Variants in LRRC7 observed in about 807,000 individuals in gnomAD.
LRRC7 encodes leucine rich repeat containing 7.
In LRRC7, 23 loss-of-function variants were observed where a neutral mutation model predicts 175.7. The ratio of observed to expected loss-of-function variants is 0.13; its 90% CI spans 0.09 to 0.19. LRRC7 has a LOEUF of 0.19. Among genes scored for constraint, LRRC7 ranks in the 10% least tolerant of loss-of-function variants. LRRC7 has a pLI of 1.00. For missense variants in LRRC7, 1,354 were observed against 1,904.7 expected (o/e 0.71, Z 5.38); for synonymous variants, 685 against 680.9 (o/e 1.01, Z -0.09).
At chr1:69,947,103 G>A (rs1649406011) in intron 8 of LRRC7, among the ~76,000 whole-genome samples, 1 of 147,128 alleles carries the variant, frequency 6.8e-6, no homozygotes, top group African/African-American at 2.6e-5. Context: ...GTGAGACTGT[G>A]TCTCAAAATA....
intron 8 of LRRC7, among the ~76,000 whole-genome samples, chr1:69,973,551 T>C (rs886581597): frequency 1.3e-5 from 2 of 152,238 alleles, no homozygotes; most frequent in African/African-American, 4.8e-5. Context: ...ATATATTTTC[T>C]TTGTGTTAAT....
At chr1:69,625,735 G>A (rs1187011844) in intron 1 of LRRC7, among the ~76,000 whole-genome samples, 3 of 151,932 alleles carry the variant, frequency 2.0e-5, no homozygotes, top group African/African-American at 7.2e-5. Flanking sequence ...GTTTTAATTT[G>A]TATTTTGAGT....
chr1:69,587,189 G>A (rs576147990), intron 1 of LRRC7, among the ~76,000 whole-genome samples: 69 of 151,998 alleles, frequency 4.5e-4, no homozygotes, highest in African/African-American at 1.4e-3. Context: ...TTACTTACTC[G>A]TCCAAACTTA....
At chr1:69,708,808 G>A (rs189996645) in intron 2 of LRRC7, among the ~76,000 whole-genome samples, 1 of 152,186 alleles carries the variant, frequency 6.6e-6, no homozygotes, top group East Asian at 1.9e-4. Context: ...TTCTTTTATA[G>A]CCTTTATGTG....
At chr1:69,681,992 G>T (rs934183054) in intron 2 of LRRC7, among the ~76,000 whole-genome samples, 29 of 152,286 alleles carry the variant, frequency 1.9e-4, no homozygotes, top group African/African-American at 5.5e-4. Context: ...CTAGGTTGAA[G>T]TCTTATCAAA....
rs1027698537 is a variant in LRRC7, at chr1:69,814,255, A to G, written c.422-11493A>G. Among the ~76,000 whole-genome samples, 8 of 152,270 alleles carry G rather than the reference A, an allele frequency of 5.3e-5. No individual in the cohort carries two copies. In the South Asian group the frequency reaches 1.2e-3, roughly 24 times the overall value. ...TCTCATCTGTAAACACCCATTAGAT[A>G]TTTAAATAAAACTTCTACTCTTGTA... On this transcript the variant is annotated intron_variant, in intron 4 of 26. Coordinates refer to ENST00000651989, the MANE Select transcript of LRRC7 (RefSeq NM_001370785.2).
intron 2 of LRRC7, among the ~76,000 whole-genome samples, chr1:69,683,657 T>C (rs1006503280): frequency 7.6e-5 from 11 of 144,122 alleles, no homozygotes; most frequent in Non-Finnish European, 1.4e-4. Context: ...ATGAAGAAAC[T>C]AGAAGAAAAA....
chr1:69,589,463 A>G (rs1569748022), intron 1 of LRRC7, among the ~76,000 whole-genome samples: 1 of 152,058 alleles, frequency 6.6e-6, no homozygotes, highest in Non-Finnish European at 1.5e-5. Context: ...GAAGAATCCA[A>G]TCGGGAGTGA....
At chr1:69,718,695 A>G (rs1666020943) in intron 2 of LRRC7, among the ~76,000 whole-genome samples, 1 of 151,836 alleles carries the variant, frequency 6.6e-6, no homozygotes, top group Non-Finnish European at 1.5e-5. Context: ...ATTCTGTTCG[A>G]AGAAAGAGGA....
At chr1:69,957,402 C>T (rs1173551263) in intron 8 of LRRC7, among the ~76,000 whole-genome samples, 1 of 151,794 alleles carries the variant, frequency 6.6e-6, no homozygotes, top group African/African-American at 2.4e-5. Flanking sequence ...TCTACCTTAA[C>T]GTTTACTGAC....
intron 1 of LRRC7, among the ~76,000 whole-genome samples, chr1:69,641,738 C>T (rs904197629): frequency 1.3e-5 from 2 of 151,446 alleles, no homozygotes; most frequent in Non-Finnish European, 1.5e-5. Flanking sequence ...TTTTTTAGAA[C>T]TTAAACAAAT....
At position 69,648,274 on chromosome 1, in the gene LRRC7, T is replaced by C. The variant is rs150712169; in HGVS notation, c.3-30107T>C. Among the ~76,000 whole-genome samples the C allele has an allele frequency of 1.3e-3, 198 of 152,240 alleles. 1 individual carries two copies. The highest frequency in any genetic ancestry group is 3.2e-4 in the Non-Finnish European group (22 of 68,010). The stretch of plus-strand genomic sequence containing the variant: ...TCATAAATTAACTATTATTAATTTG[T>C]ATGAAAATAATACTCGAGGTGTTAT... On this transcript the variant is annotated intron_variant, in intron 1 of 26. Transcript: ENST00000651989.
chr1:69,866,046 G>C (rs1684919064), intron 7 of LRRC7, among the ~76,000 whole-genome samples: 3 of 152,138 alleles, frequency 2.0e-5, no homozygotes. Flanking sequence ...ATTCTCAAAT[G>C]GCAAAAGAAT....
chr1:70,096,102 C>T (rs945416679), intron 25 of LRRC7, among the ~76,000 whole-genome samples: 5 of 151,970 alleles, frequency 3.3e-5, no homozygotes, highest in African/African-American at 9.7e-5. Flanking sequence ...CTCCGCCTCC[C>T]GAGTAGCTGG....
chr1:69,650,858 T>C (rs7515624), intron 1 of LRRC7, among the ~76,000 whole-genome samples: 1 of 152,274 alleles, frequency 6.6e-6, no homozygotes, highest in African/African-American at 2.4e-5. Context: ...GGTTTGGCAC[T>C]GTCGATAGCT....
intron 23 of LRRC7, among the ~76,000 whole-genome samples, chr1:70,061,902 T>C (rs1490594623): frequency 6.6e-6 from 1 of 152,136 alleles, no homozygotes; most frequent in Non-Finnish European, 1.5e-5. Context: ...AAAGGAACTT[T>C]TAAATAGTAG....
chr1:69,808,801 G>A (rs1677448924), intron 4 of LRRC7, among the ~76,000 whole-genome samples: 1 of 152,114 alleles, frequency 6.6e-6, no homozygotes, highest in South Asian at 2.1e-4. Context: ...ATGCCCACAG[G>A]AGAAAGCAGG....
At chr1:69,859,842 G>A (rs1684170619) in intron 7 of LRRC7, among the ~76,000 whole-genome samples, 1 of 151,862 alleles carries the variant, frequency 6.6e-6, no homozygotes, top group Admixed American at 6.6e-5. Flanking sequence ...CTTTCCTAGA[G>A]AACTTACTCA....
chr1:69,917,269 C>T (rs1439057675), intron 7 of LRRC7, among the ~76,000 whole-genome samples: 1 of 152,064 alleles, frequency 6.6e-6, no homozygotes, highest in Non-Finnish European at 1.5e-5. Flanking sequence ...ATATTTGCTC[C>T]GTGACCTACA....
Sources: allele counts gnomAD v4.1 joint callset (sites outside exome capture counted in the v4.1 genomes callset), GRCh38; gene constraint gnomAD v4.1.1; transcripts MANE v1.5; gene names NCBI Gene and HGNC (gene_info 2026-07-23, HGNC 2026-07-21).